RALYL: variants seen among roughly 807,000 people sequenced by gnomAD.
The protein encoded by RALYL is RALY RNA binding protein like.
RALYL carries 29 observed loss-of-function variants against 35.1 expected under a neutral mutation model. The observed-to-expected ratio is 0.83, with a 90% CI of 0.61 to 1.13. The LOEUF is 1.13. Among genes scored for constraint, RALYL ranks in the 50% most tolerant of loss-of-function variants. The pLI, the probability that RALYL is intolerant of heterozygous loss-of-function variation, is 0.00. For missense variants in RALYL, 359 were observed against 360.4 expected, an observed-to-expected ratio of 1.00 and a Z score of 0.03; for synonymous variants, 120 against 127.6, an observed-to-expected ratio of 0.94 and a Z score of 0.40.
rs768211791 is a variant in RALYL, at chr8:84,623,798, A to T, written c.256+94221A>T. Among the ~76,000 whole-genome samples, 7 of 152,304 alleles carry T rather than the reference A, an allele frequency of 4.6e-5. No individual in the cohort carries two copies. In the South Asian group the frequency reaches 1.4e-3, roughly 32 times the overall value. On this transcript the variant is annotated intron_variant, in intron 2 of 8. Transcript: ENST00000521268. ...GGGAAAAAAAGAGTGAGAGGAAAAAAAATTTAAAATATCCTTGAGCAAATC... is the reference window on the plus strand; with the variant it reads ...GGGAAAAAAAGAGTGAGAGGAAAAATAATTTAAAATATCCTTGAGCAAATC...
In RALYL at chr8:84,355,597, T is replaced by C. The variant is rs565573574; in HGVS notation, c.-24+171173T>C. Among the ~76,000 whole-genome samples, 12 of 150,496 alleles carry C rather than the reference T, an allele frequency of 8.0e-5. No individual in the cohort carries two copies. The South Asian group carries it at 1.5e-3, about 18-fold the overall frequency. On this transcript the variant is annotated intron_variant, in intron 1 of 8. Coordinates refer to ENST00000521268, the MANE Select transcript of RALYL (RefSeq NM_173848.7). ...ATATGGTCAAATTTGTATTTTAAAA[T>C]GGTAAGTATGCGATATAAAGAGAAT...
At chr8:84,535,602 A>ATTATTTTATTTTATTTTATTTTATT (rs71273903) in intron 2 of RALYL, among the ~76,000 whole-genome samples, 6,397 of 138,370 alleles carry the variant, frequency 0.046, 206 homozygotes, top group African/African-American at 0.062. Context: ...CGCCCGGCTA[A>ATTATTTTATTTTATTTTATTTTATT]TTATTTTATT....
intron 2 of RALYL, among the ~76,000 whole-genome samples, chr8:84,557,682 C>G (rs933872135): frequency 9.9e-5 from 15 of 151,854 alleles, no homozygotes; most frequent in Admixed American, 9.8e-4. Context: ...AGAGTTGGCA[C>G]TATTTACTAT....
chr8:84,280,609 A>C (rs889780101), intron 1 of RALYL, among the ~76,000 whole-genome samples: 3 of 151,804 alleles, frequency 2.0e-5, no homozygotes, highest in Admixed American at 6.6e-5. Flanking sequence ...ACCATACCAT[A>C]ATAAAGGTCA....
intron 1 of RALYL, among the ~76,000 whole-genome samples, chr8:84,277,340 G>A (rs944479392): frequency 3.3e-5 from 5 of 152,066 alleles, no homozygotes; most frequent in African/African-American, 9.7e-5. Flanking sequence ...AACAGTATGG[G>A]GGAAACTGCC....
intron 1 of RALYL, among the ~76,000 whole-genome samples, chr8:84,220,666 TC>T (rs1231206275): frequency 1.3e-5 from 2 of 151,970 alleles, no homozygotes; most frequent in Admixed American, 1.3e-4. Context: ...ATATTTTATT[TC>T]CCCCAGGTGA....
chr8:84,308,228 A>G (rs1042752635), intron 1 of RALYL, among the ~76,000 whole-genome samples: 5 of 152,192 alleles, frequency 3.3e-5, no homozygotes, highest in African/African-American at 1.2e-4. Context: ...AATAAAATGT[A>G]GCCATGTAGC....
rs547111797 is a variant in RALYL, at chr8:84,748,937, G to C, written c.257-25642G>C. On this transcript the variant is annotated intron_variant, in intron 2 of 8. Transcript: ENST00000521268. ...TTTTCTACTTTCCTTGGCAACTAAAGTTCCCCTAACACCTTCTTATCTGCA... is the reference window on the plus strand; with the variant it reads ...TTTTCTACTTTCCTTGGCAACTAAACTTCCCCTAACACCTTCTTATCTGCA... Among the ~76,000 whole-genome samples the C allele has an allele frequency of 1.8e-3, 275 of 152,114 alleles. 1 individual carries two copies. The highest frequency in any genetic ancestry group is 2.8e-3 in the Non-Finnish European group (190 of 67,968).
chr8:84,367,349 T>A lies in RALYL; in HGVS notation c.-23-161950T>A, dbSNP rs1300895064. On this transcript the variant is annotated intron_variant, in intron 1 of 8. Transcript: ENST00000521268. Reference sequence around the variant, plus strand: ...TTTTTTTTTTTTTTTTTTTTTTTTTTTTTTTTTTTTTTTTTTTTTTAGTAG... The same window carrying A: ...TTTTTTTTTTTTTTTTTTTTTTTTTATTTTTTTTTTTTTTTTTTTTAGTAG... Among the ~76,000 whole-genome samples, 25 of 105,204 alleles carry A rather than the reference T, an allele frequency of 2.4e-4. 1 individual carries two copies. The highest frequency in any genetic ancestry group is 3.3e-4 in the African/African-American group (9 of 27,360). 69.0% of individuals were successfully genotyped at this position (105,204 alleles called of 152,430 possible).
At chr8:84,589,490 C>T (rs1812750113) in intron 2 of RALYL, among the ~76,000 whole-genome samples, 2 of 152,118 alleles carry the variant, frequency 1.3e-5, no homozygotes, top group Non-Finnish European at 2.9e-5. Flanking sequence ...AAAACCATTG[C>T]AGTAGCATAT....
At chr8:84,353,621 C>T (rs1192141478) in intron 1 of RALYL, among the ~76,000 whole-genome samples, 2 of 150,060 alleles carry the variant, frequency 1.3e-5, no homozygotes, top group Non-Finnish European at 3.0e-5. Context: ...AAGTATGAAT[C>T]ATTTTTTGTT....
intron 2 of RALYL, among the ~76,000 whole-genome samples, chr8:84,583,377 T>C (rs1811280669): frequency 6.6e-6 from 1 of 152,174 alleles, no homozygotes. Flanking sequence ...GATCAGATAA[T>C]AAAATCTAAC....
At chr8:84,223,076 GCCCTGCCTTTCCTTT>G in intron 1 of RALYL, among the ~76,000 whole-genome samples, 1 of 119,570 alleles carries the variant, frequency 8.4e-6, no homozygotes, top group Non-Finnish European at 1.9e-5. Flanking sequence ...CTCTCCCTTT[GCCCTGCCTTTCCTTT>G]CCTTTCCTTT....
At chr8:84,784,867 T>G (rs905699600) in intron 3 of RALYL, among the ~76,000 whole-genome samples, 6 of 152,230 alleles carry the variant, frequency 3.9e-5, no homozygotes, top group Non-Finnish European at 7.3e-5. Context: ...ATTCATTATT[T>G]TAGAAGTTAA....
At chr8:84,716,543 G>T (rs925355431) in intron 2 of RALYL, among the ~76,000 whole-genome samples, 1 of 152,034 alleles carries the variant, frequency 6.6e-6, no homozygotes, top group African/African-American at 2.4e-5. Flanking sequence ...TCTCAGCACT[G>T]AACTGTCCTC....
At chr8:84,725,229 T>C (rs1369434504) in intron 2 of RALYL, among the ~76,000 whole-genome samples, 1 of 151,740 alleles carries the variant, frequency 6.6e-6, no homozygotes, top group Non-Finnish European at 1.5e-5. Flanking sequence ...TTTCTTGATA[T>C]AATGTGACTG....
At chr8:84,212,120 C>CAGTTGAGT (rs1419172690) in intron 1 of RALYL, among the ~76,000 whole-genome samples, 1 of 152,050 alleles carries the variant, frequency 6.6e-6, no homozygotes, top group Non-Finnish European at 1.5e-5. Context: ...GATGAAAATG[C>CAGTTGAGT]AGTTGAGTAT....
intron 2 of RALYL, among the ~76,000 whole-genome samples, chr8:84,680,712 G>C (rs1388924056): frequency 6.6e-6 from 1 of 151,794 alleles, no homozygotes; most frequent in East Asian, 1.9e-4. Context: ...TTTTTTTCTT[G>C]TAAATTTGTT....
At chr8:84,372,383 G>A (rs1855895132) in intron 1 of RALYL, among the ~76,000 whole-genome samples, 1 of 151,924 alleles carries the variant, frequency 6.6e-6, no homozygotes, top group South Asian at 2.1e-4. Flanking sequence ...GTATCATAAA[G>A]CAACAAGAAT....
Sources: allele counts gnomAD v4.1 joint callset (sites outside exome capture counted in the v4.1 genomes callset), GRCh38; gene constraint gnomAD v4.1.1; transcripts MANE v1.5; gene names NCBI Gene and HGNC (gene_info 2026-07-23, HGNC 2026-07-21).